The following UNK variants were observed in gnomAD, a reference collection of about 807,000 sequenced individuals.
UNK encodes the protein unk zinc finger, also known as RING finger protein unkempt homolog.
A neutral mutation model predicts 97.6 loss-of-function variants in UNK; 32 were observed. The ratio of observed to expected loss-of-function variants is 0.33; its 90% CI spans 0.25 to 0.44. The LOEUF (loss-of-function observed/expected upper bound fraction) is 0.44. UNK is among the 20% of genes least tolerant of loss of function. The pLI is 1.00. For synonymous variants in UNK, 441 were observed against 461.2 expected, an observed-to-expected ratio of 0.96 and a Z score of 0.56; for missense variants, 771 against 1,098.4, an observed-to-expected ratio of 0.70 and a Z score of 4.21.
intron 1 of UNK, among the ~76,000 whole-genome samples, chr17:75,808,697 G>A (rs547583078): frequency 6.6e-6 from 1 of 151,998 alleles, no homozygotes; most frequent in South Asian, 2.1e-4. Flanking sequence ...CATCCTTCTC[G>A]ATGACGTTAG....
intron 1 of UNK, chr17:75,793,566 T>A (rs944207905): frequency 1.0e-6 from 1 of 985,282 alleles, no homozygotes; most frequent in African/African-American, 1.7e-5. Flanking sequence ...GTGGCTCAAT[T>A]TCTTTAGGAC....
chr17:75,806,530 T>G (rs2061919519), intron 1 of UNK, among the ~76,000 whole-genome samples: 1 of 151,532 alleles, frequency 6.6e-6, no homozygotes, highest in Admixed American at 6.6e-5. Context: ...TCCCAGCACT[T>G]TGGGAAGCCG....
At chr17:75,820,378 T>G (rs535447727) in intron 13 of UNK, among the ~76,000 whole-genome samples, 8 of 152,322 alleles carry the variant, frequency 5.3e-5, no homozygotes, top group Non-Finnish European at 1.0e-4. Flanking sequence ...GGGGCTGAAG[T>G]GCTAGGCACG....
chr17:75,791,649 GC>G (rs2061764957), intron 1 of UNK: 1 of 746,804 alleles, frequency 1.3e-6, no homozygotes. Flanking sequence ...AGTGTTAAGT[GC>G]CCTTGCTAAG....
intron 1 of UNK, among the ~76,000 whole-genome samples, chr17:75,809,540 G>A (rs1599378107): frequency 6.6e-6 from 1 of 152,362 alleles, no homozygotes; most frequent in South Asian, 2.1e-4. Flanking sequence ...GGTCCCTGTG[G>A]TCTGTGGTTC....
In UNK at chr17:75,822,590, C is replaced by G; in HGVS notation, c.1951C>G (p.Arg651Gly). The change falls in exon 14 of 16, where the codon CGG becomes GGG. Residue 651 changes from arginine to glycine, a missense_variant. Physicochemically the swap from Arg to Gly is moderately radical, Grantham distance 125. This residue lies in a region of UNK where 208 missense variants were observed against 257.4 expected (regional missense o/e 0.81). Coordinates refer to ENST00000589666, the MANE Select transcript of UNK (RefSeq NM_001080419.3). ...AGGGGCTGCCGAGCTGGCCCGACTTCGGCAAGAGCTGGATGAAGCCAACAG... is the reference window on the plus strand; with the variant it reads ...AGGGGCTGCCGAGCTGGCCCGACTTGGGCAAGAGCTGGATGAAGCCAACAG... The part of the protein sequence containing the change: ...GPGAAELARL[R>G]QELDEANSTI... The G allele has an allele frequency of 6.2e-7, 1 of 1,613,504 alleles. No homozygotes were observed. Among genetic ancestry groups the G allele is most frequent in the Non-Finnish European group, 8.5e-7 (1 of 1,179,824 alleles).
Position 75,816,625 on chromosome 17 carries a change from C to G in UNK, c.962-145C>G, listed in dbSNP as rs1407709960. The G allele has an allele frequency of 9.6e-7, 1 of 1,042,166 alleles. No individual in the cohort carries two copies. The highest frequency in any genetic ancestry group is 1.6e-5 in the African/African-American group (1 of 62,774). The allele number at this position is 1,042,166 out of a possible 1,614,324, so 64.6% of individuals were successfully genotyped here. On this transcript the variant is annotated intron_variant, in intron 7 of 15. Transcript: ENST00000589666. This position sits in a 1 kb window ranked among gnomAD's most constrained non-coding sequence, Gnocchi z 4.0. Reference sequence around the variant, plus strand: ...CAGTGCCTGGCACACAGTAAATGCACAGACATGGTGTTACTAGAGATGTCG... The same window carrying G: ...CAGTGCCTGGCACACAGTAAATGCAGAGACATGGTGTTACTAGAGATGTCG...
At chr17:75,802,941 A>G (rs1447466418) in intron 1 of UNK, among the ~76,000 whole-genome samples, 1 of 146,230 alleles carries the variant, frequency 6.8e-6, no homozygotes, top group Non-Finnish European at 1.5e-5. Flanking sequence ...CCTGGCCAAC[A>G]TGGTGAAACC....
chr17:75,796,226 A>G (rs2061804608), intron 1 of UNK, among the ~76,000 whole-genome samples: 1 of 152,146 alleles, frequency 6.6e-6, no homozygotes, highest in African/African-American at 2.4e-5. Flanking sequence ...TTTTTCTGCC[A>G]GAGAGAATAT....
chr17:75,790,985 C>T lies in UNK; in HGVS notation c.104+6001C>T, dbSNP rs933548044. Among the ~76,000 whole-genome samples the T allele has an allele frequency of 3.3e-5, 5 of 152,090 alleles. No homozygotes were observed. In the East Asian group the frequency reaches 9.6e-4, roughly 29 times the overall value. Reference sequence around the variant, plus strand: ...AATAAATAAATAAATATTAAACTCTCCAAGTTTCTGACCTCATTGTTTTGA... The same window carrying T: ...AATAAATAAATAAATATTAAACTCTTCAAGTTTCTGACCTCATTGTTTTGA... On this transcript the variant is annotated intron_variant, in intron 1 of 15. Coordinates refer to ENST00000589666, the MANE Select transcript of UNK (RefSeq NM_001080419.3).
chr17:75,823,867 G>A (rs574753371), intron 15 of UNK, among the ~76,000 whole-genome samples: 2 of 152,310 alleles, frequency 1.3e-5, no homozygotes, highest in Admixed American at 6.5e-5. Context: ...GGCTACCCCT[G>A]CCTTCCCAGG....
intron 1 of UNK, among the ~76,000 whole-genome samples, chr17:75,793,287 A>C (rs2061778416): frequency 6.6e-6 from 1 of 152,204 alleles, no homozygotes; most frequent in African/African-American, 2.4e-5. Flanking sequence ...TGAGTGTTTT[A>C]AGGTTTACAT....
At chr17:75,788,364 G>A (rs2061732476) in intron 1 of UNK, among the ~76,000 whole-genome samples, 3 of 152,074 alleles carry the variant, frequency 2.0e-5, no homozygotes, top group Admixed American at 2.0e-4. Context: ...ATTTTTAGTA[G>A]AGACAGGGTT....
intron 4 of UNK, 105 bp from the exon 5 acceptor site, chr17:75,812,973 T>G: frequency 2.8e-6 from 4 of 1,437,420 alleles, no homozygotes; most frequent in Non-Finnish European, 3.7e-6. Flanking sequence ...CCTCCTGTCT[T>G]GAACTCCTTC....
chr17:75,822,620 A>G lies in UNK; in HGVS notation c.1981A>G (p.Ile661Val), dbSNP rs1216641135. The change falls in exon 14 of 16, where the codon ATC becomes GTC. Residue 661 changes from isoleucine (I) to valine (V), a missense_variant. Coordinates refer to ENST00000589666, the MANE Select transcript of UNK (RefSeq NM_001080419.3). Reference protein sequence around the residue: ...RQELDEANSTIKQWEESWKQA... With the variant: ...RQELDEANSTVKQWEESWKQA... ...AGAGCTGGATGAAGCCAACAGCACC[A>G]TCAAGCAGTGGGAGGAGTCCTGGAA... is the stretch of plus-strand genomic sequence containing the variant. 6.2e-7 allele frequency: 1 copy of G among 1,612,568 alleles called. No individual in the cohort carries two copies. Among genetic ancestry groups the G allele is most frequent in the Non-Finnish European group, 8.5e-7 (1 of 1,179,524 alleles).
chr17:75,824,858 T>G lies in UNK; in HGVS notation c.*441T>G, dbSNP rs1233937222. 6.6e-6 allele frequency: 1 copy of G among 152,250 alleles called. No individual in the cohort carries two copies. Among genetic ancestry groups the G allele is most frequent in the African/African-American group, 2.4e-5 (1 of 41,448 alleles). 9.4% of individuals were successfully genotyped at this position (152,250 alleles called of 1,614,324 possible). A position where few individuals can be genotyped will look rare whatever the true frequency, so the allele number is the denominator to read the frequency against. The stretch of plus-strand genomic sequence containing the variant: ...GGGCCTGAGCAGGGAAGGGTGGGAC[T>G]GGAAGGCACTAAGGGGAAGGGAGAA... On this transcript the variant is annotated 3_prime_UTR_variant, in exon 16 of 16. Transcript: ENST00000589666. The surrounding 1 kb of genome is among the most constrained non-coding windows in gnomAD (Gnocchi z 4.9).
chr17:75,789,558 G>A (rs546236003), intron 1 of UNK, among the ~76,000 whole-genome samples: 2 of 151,982 alleles, frequency 1.3e-5, no homozygotes, highest in South Asian at 4.2e-4. Context: ...GGATGGTCTC[G>A]ATCTCCTGAA....
chr17:75,785,290 A>C, intron 1 of UNK: 14 of 304,434 alleles, frequency 4.6e-5, no homozygotes, highest in East Asian at 8.0e-5. Flanking sequence ...CAGACCATAA[A>C]ACCACAGTAG....
rs2061985343 is a variant in UNK at position 75,813,108 on chromosome 17, C to T, written c.653C>T (p.Thr218Met). 3 of 1,586,880 alleles carry T rather than the reference C, an allele frequency of 1.9e-6. No individual in the cohort carries two copies. The highest frequency in any genetic ancestry group is 2.6e-6 in the Non-Finnish European group (3 of 1,166,696). ...GCTTATGTGCTGGGGAACTATAAGA[C>T]GGAGCCTTGCAAGAAGCCCCCGCGG... ...ETAYVLGNYK[T>M]EPCKKPPRLC... The change falls in exon 5 of 16, where the codon ACG becomes ATG. Residue 218 changes from threonine (T) to methionine (M), a missense_variant. By Grantham distance (81) the Thr-to-Met change is moderately conservative (BLOSUM62 -1). Coordinates refer to ENST00000589666, the MANE Select transcript of UNK (RefSeq NM_001080419.3).
Sources: gnomAD v4.1 joint callset for allele counts (sites outside exome capture counted in the v4.1 genomes callset) on GRCh38, gnomAD v4.1.1 for gene constraint, gnomAD v4.1.1 regional missense constraint, Gnocchi (gnomAD v3.1) non-coding constraint, MANE v1.5 for transcripts, NCBI Gene and HGNC (gene_info 2026-07-23, HGNC 2026-07-21) for gene names.